DNAH8: variants seen among roughly 807,000 people sequenced by gnomAD.
The protein encoded by DNAH8 is axonemal beta dynein heavy chain 8.
In DNAH8, 382 loss-of-function variants were observed where a neutral mutation model predicts 562.1. That is an observed-to-expected ratio of 0.68 (90% CI 0.63 to 0.74). The LOEUF is 0.74. Among genes scored for constraint, DNAH8 ranks in the 30% least tolerant of loss-of-function variants. The pLI, the probability that DNAH8 is intolerant of heterozygous loss-of-function variation, is 0.00. For synonymous variants in DNAH8, 1,881 were observed against 1,919.4 expected (o/e 0.98, Z 0.52); for missense variants, 5,203 against 5,620.4 (o/e 0.93, Z 2.37).
intron 82 of DNAH8, among the ~76,000 whole-genome samples, chr6:38,954,001 T>A (rs1322944364): frequency 6.6e-6 from 1 of 152,198 alleles, no homozygotes; most frequent in Non-Finnish European, 1.5e-5. Flanking sequence ...TTTCATTGAA[T>A]GAATTAACCA....
intron 67 of DNAH8, 70 bp downstream of exon 67, chr6:38,914,022 G>A (rs1167947119): frequency 6.7e-6 from 8 of 1,193,042 alleles, no homozygotes; most frequent in Admixed American, 1.8e-5. Context: ...TTTTAAAATG[G>A]TACTAAAGAA....
rs765916960 is a variant in DNAH8, at chr6:38,761,827, C to T, written c.1617+24C>T. On this transcript the variant is annotated intron_variant, in intron 11 of 92. Transcript: ENST00000327475. ...AGGTTTGTAGAAGTACTTTTATTTT[C>T]ATAAACTAAATCTTTTCCCATCCTG... The T allele has an allele frequency of 4.3e-6, 6 of 1,382,124 alleles. No homozygotes were observed. The South Asian group carries it at 7.9e-5, about 18-fold the overall frequency. The allele number at this position is 1,382,124 out of a possible 1,614,324, so 85.6% of individuals were successfully genotyped here. A position where few individuals can be genotyped will look rare whatever the true frequency, so the allele number is the denominator to read the frequency against.
chr6:38,781,258 A>G lies in DNAH8; in HGVS notation c.2144A>G (p.Tyr715Cys). ...VAELDATKKL[Y>C]HSQKDDPPLA... The stretch of plus-strand genomic sequence containing the variant: ...ACATCAGATTTTTAATTACAGCTTT[A>G]TCATTCTCAGAAAGATGACCCCCCT... The change falls in exon 16 of 93, where the codon TAT (tyrosine) becomes TGT (cysteine). Residue 715 changes from tyrosine to cysteine, a missense_variant. Physicochemically the swap from Tyr to Cys is radical, Grantham distance 194. Transcript: ENST00000327475. The G allele has an allele frequency of 6.2e-7, 1 of 1,613,814 alleles. No homozygotes were observed.
chr6:38,961,578 A>G (rs1323314792), intron 82 of DNAH8, among the ~76,000 whole-genome samples: 2 of 152,072 alleles, frequency 1.3e-5, no homozygotes, highest in South Asian at 4.1e-4. Context: ...CACAACAATA[A>G]GAGAAAAACT....
chr6:38,791,568 G>C lies in DNAH8; in HGVS notation c.2795G>C (p.Cys932Ser). The C allele has an allele frequency of 6.2e-7, 1 of 1,610,294 alleles. No homozygotes were observed. Among genetic ancestry groups the C allele is most frequent in the Non-Finnish European group, 8.5e-7 (1 of 1,179,074 alleles). Residue 932 changes from cysteine (C) to serine (S), a missense_variant, in exon 21 of 93, where the codon TGT becomes TCT. Cys to Ser is a moderately radical substitution (Grantham distance 112). Coordinates refer to ENST00000327475, the MANE Select transcript of DNAH8 (RefSeq NM_001206927.2). ...NQLLKKISDL[C>S]EMHIDTVLKE... Reference sequence around the variant, plus strand: ...TCTTCCTTGTAGATCAGTGACTTGTGTGAAATGCATATTGATACAGTTCTG... The same window carrying C: ...TCTTCCTTGTAGATCAGTGACTTGTCTGAAATGCATATTGATACAGTTCTG...
intron 14 of DNAH8, among the ~76,000 whole-genome samples, chr6:38,779,227 A>G (rs1019098620): frequency 6.6e-6 from 1 of 152,158 alleles, no homozygotes; most frequent in East Asian, 1.9e-4. Flanking sequence ...CTGGCTTTGC[A>G]TGGTTCCACG....
chr6:38,883,847 C>T (rs765954588), intron 55 of DNAH8, 29 bp from the exon 56 acceptor site: 75 of 1,510,648 alleles, frequency 5.0e-5, no homozygotes, highest in Non-Finnish European at 6.1e-5. Flanking sequence ...AAATCTAATG[C>T]ATAAGACAAA....
intron 53 of DNAH8, among the ~76,000 whole-genome samples, chr6:38,876,103 C>G (rs185969621): frequency 2.0e-5 from 3 of 152,300 alleles, no homozygotes; most frequent in Non-Finnish European, 2.9e-5. Flanking sequence ...CATCTACTTT[C>G]TAATGCTGGA....
At chr6:38,745,759 AC>A (rs376528093) in intron 8 of DNAH8, among the ~76,000 whole-genome samples, 54 of 152,276 alleles carry the variant, frequency 3.5e-4, no homozygotes, top group African/African-American at 1.3e-3. Flanking sequence ...TGAGCTTGAT[AC>A]TTTTGAATAG....
intron 22 of DNAH8, among the ~76,000 whole-genome samples, chr6:38,804,068 A>G (rs72851512): frequency 0.11 from 17,105 of 152,294 alleles, 1,338 homozygotes; most frequent in Admixed American, 0.21. Context: ...AATTTGTATG[A>G]CAAGGTGCCT....
At chr6:38,848,142 T>C (rs1410718226) in intron 36 of DNAH8, among the ~76,000 whole-genome samples, 2 of 152,180 alleles carry the variant, frequency 1.3e-5, no homozygotes, top group Non-Finnish European at 2.9e-5. Flanking sequence ...TGATTTGTCC[T>C]GTCCCTTTAG....
intron 10 of DNAH8, among the ~76,000 whole-genome samples, chr6:38,758,470 G>A (rs1766150376): frequency 6.6e-6 from 1 of 152,000 alleles, no homozygotes; most frequent in Admixed American, 6.6e-5. Flanking sequence ...CATGTCATCT[G>A]CAAACAGGGA....
At chr6:38,887,443 A>G (rs1158507531) in intron 57 of DNAH8, among the ~76,000 whole-genome samples, 1 of 152,110 alleles carries the variant, frequency 6.6e-6, no homozygotes, top group East Asian at 1.9e-4. Flanking sequence ...AGGTCAGCCC[A>G]TGCCTATAAT....
chr6:38,725,367 A>G (rs754621141), intron 3 of DNAH8, among the ~76,000 whole-genome samples: 1 of 148,044 alleles, frequency 6.8e-6, no homozygotes, highest in African/African-American at 2.5e-5. Context: ...GATACAGTGC[A>G]TTGCTAAATT....
chr6:38,854,038 G>GTA (rs556090853), intron 41 of DNAH8, among the ~76,000 whole-genome samples: 42 of 151,500 alleles, frequency 2.8e-4, no homozygotes, highest in Non-Finnish European at 5.4e-4. Context: ...GTGTGTGTGT[G>GTA]TATATATATA....
intron 26 of DNAH8, among the ~76,000 whole-genome samples, chr6:38,817,020 T>TGCA (rs1182400768): frequency 6.6e-6 from 1 of 152,210 alleles, no homozygotes; most frequent in Non-Finnish European, 1.5e-5. Context: ...TCCACTGTGA[T>TGCA]GCAGGGAAAG....
In DNAH8 at chr6:38,789,896, G is replaced by A; in HGVS notation, c.2664+13G>A. On this transcript the variant is annotated intron_variant, in intron 19 of 92. Coordinates refer to ENST00000327475, the MANE Select transcript of DNAH8 (RefSeq NM_001206927.2). Reference sequence around the variant, plus strand: ...AAAAATGAAAAAGGTTGGTATTGCTGAAGGTTTGTATTGATTTTCCTGTTA... The same window carrying A: ...AAAAATGAAAAAGGTTGGTATTGCTAAAGGTTTGTATTGATTTTCCTGTTA... The A allele has an allele frequency of 6.3e-7, 1 of 1,588,602 alleles. No homozygotes were observed. The highest frequency in any genetic ancestry group is 8.6e-7 in the Non-Finnish European group (1 of 1,158,762).
intron 47 of DNAH8, among the ~76,000 whole-genome samples, chr6:38,867,253 G>GTGTGTA (rs1554233718): frequency 1.3e-5 from 2 of 151,832 alleles, no homozygotes; most frequent in Non-Finnish European, 2.9e-5. Flanking sequence ...GTGTGTGTGT[G>GTGTGTA]TGTGTAGTTG....
At chr6:38,847,054 C>T (rs184173549) in intron 36 of DNAH8, among the ~76,000 whole-genome samples, 2 of 152,228 alleles carry the variant, frequency 1.3e-5, no homozygotes, top group East Asian at 3.9e-4. Flanking sequence ...GTCATACCTG[C>T]TGGATCCCTA....
Sources: allele counts gnomAD v4.1 joint callset (sites outside exome capture counted in the v4.1 genomes callset), GRCh38; gene constraint gnomAD v4.1.1; transcripts MANE v1.5; gene names NCBI Gene and HGNC (gene_info 2026-07-23, HGNC 2026-07-21).